COL4A3: variants seen among roughly 807,000 people sequenced by gnomAD.
The protein encoded by COL4A3 is collagen alpha-3(IV) chain.
A neutral mutation model predicts 217.4 loss-of-function variants in COL4A3; 135 were observed. That is an observed-to-expected ratio of 0.62 (90% confidence interval 0.54 to 0.72). COL4A3 has a LOEUF of 0.72. COL4A3 is among the 30% of genes least tolerant of loss of function. COL4A3 has a pLI of 0.00. For missense variants in COL4A3, 1,868 were observed against 2,119.9 expected, an observed-to-expected ratio of 0.88 and a Z score of 2.33; for synonymous variants, 690 against 736.3, an observed-to-expected ratio of 0.94 and a Z score of 1.02.
At position 227,276,488 on chromosome 2, in the gene COL4A3, T is replaced by C; in HGVS notation, c.2020+11T>C. The C allele has an allele frequency of 6.3e-7, 1 of 1,589,402 alleles. No individual in the cohort carries two copies. Among genetic ancestry groups the C allele is most frequent in the Non-Finnish European group, 8.6e-7 (1 of 1,157,470 alleles). On this transcript the variant is annotated intron_variant, in intron 27 of 51. Coordinates refer to ENST00000396578, the MANE Select transcript of COL4A3 (RefSeq NM_000091.5). The stretch of plus-strand genomic sequence containing the variant: ...CCCAAGGTCCACCTGGTAAGTATCC[T>C]CTGCCAAATCTGGTACATGGCATCA...
At chr2:227,205,037 T>C (rs1002548222) in intron 1 of COL4A3, among the ~76,000 whole-genome samples, 1 of 152,236 alleles carries the variant, frequency 6.6e-6, no homozygotes, top group East Asian at 1.9e-4. Context: ...AACATTTGAT[T>C]ATATTGCAAA....
At chr2:227,256,755 A>T (rs1443061339) in intron 17 of COL4A3, among the ~76,000 whole-genome samples, 1 of 152,262 alleles carries the variant, frequency 6.6e-6, no homozygotes, top group Non-Finnish European at 1.5e-5. Flanking sequence ...GAGTCATGAT[A>T]CATTGAAAGG....
chr2:227,216,438 C>T lies in COL4A3; in HGVS notation c.88-21530C>T, dbSNP rs530788910. On this transcript the variant is annotated intron_variant, in intron 1 of 51. Coordinates refer to ENST00000396578, the MANE Select transcript of COL4A3 (RefSeq NM_000091.5). Reference sequence around the variant, plus strand: ...GAGGCCCTCAGACCTTACCGCATCTCTTTATTCTGAATTTATAAGTAATTC... The same window carrying T: ...GAGGCCCTCAGACCTTACCGCATCTTTTTATTCTGAATTTATAAGTAATTC... Among the ~76,000 whole-genome samples, 68 of 152,280 alleles carry T rather than the reference C, an allele frequency of 4.5e-4. 1 individual carries two copies. Among genetic ancestry groups the T allele is most frequent in the African/African-American group, 1.5e-3 (64 of 41,562 alleles).
intron 21 of COL4A3, chr2:227,266,016 G>C: frequency 1.3e-5 from 3 of 222,378 alleles, no homozygotes; most frequent in Non-Finnish European, 2.7e-5. Context: ...ACAGCATGAG[G>C]GTAACTGCCC....
At chr2:227,242,157 C>T (rs1361167887) in intron 3 of COL4A3, among the ~76,000 whole-genome samples, 2 of 152,166 alleles carry the variant, frequency 1.3e-5, no homozygotes, top group Admixed American at 1.3e-4. Context: ...AGTAGTGGGT[C>T]CTCAGTTACC....
chr2:227,180,692 C>G (rs1439215011), intron 1 of COL4A3, among the ~76,000 whole-genome samples: 9 of 152,176 alleles, frequency 5.9e-5, no homozygotes, highest in Admixed American at 5.2e-4. Context: ...AGATGTGGCA[C>G]ATAAAATCTT....
intron 1 of COL4A3, among the ~76,000 whole-genome samples, chr2:227,235,664 C>T (rs999572264): frequency 8.6e-5 from 13 of 152,012 alleles, no homozygotes; most frequent in Non-Finnish European, 1.8e-4. Flanking sequence ...TTAGTTCCCA[C>T]TGCTAAGTGA....
Position 227,298,048 on chromosome 2 carries a change from T to C in COL4A3, c.3751+189T>C, listed in dbSNP as rs76397831. Among the ~76,000 whole-genome samples the C allele has an allele frequency of 1.2e-3, 190 of 152,232 alleles. 1 individual carries two copies. Among genetic ancestry groups the C allele is most frequent in the African/African-American group, 4.4e-3 (183 of 41,552 alleles). ...GTAGCCTGTTTGAGGGATGCATAGTTAATAAATTAACGAGCCTGGCTGGAC... is the reference window on the plus strand; with the variant it reads ...GTAGCCTGTTTGAGGGATGCATAGTCAATAAATTAACGAGCCTGGCTGGAC... On this transcript the variant is annotated intron_variant, in intron 42 of 51. Coordinates refer to ENST00000396578, the MANE Select transcript of COL4A3 (RefSeq NM_000091.5).
At chr2:227,311,746 G>T (rs1257682884) in intron 51 of COL4A3, 40 bp from the exon 52 acceptor site, 1 of 1,588,588 alleles carries the variant, frequency 6.3e-7, no homozygotes, top group Non-Finnish European at 8.6e-7. Context: ...TCCCTTTTAT[G>T]CATAAATAAA....
At chr2:227,208,081 T>C (rs1472058446) in intron 1 of COL4A3, among the ~76,000 whole-genome samples, 1 of 125,640 alleles carries the variant, frequency 8.0e-6, no homozygotes, top group African/African-American at 3.2e-5. Context: ...GACAGTGAAA[T>C]AAATCTAACT....
intron 22 of COL4A3, 34 bp from the exon 23 acceptor site, chr2:227,266,959 C>A: frequency 1.4e-6 from 2 of 1,448,960 alleles, no homozygotes; most frequent in Non-Finnish European, 1.9e-6. Flanking sequence ...CTCAATGTAG[C>A]TTTTTAAGTA....
rs16823310 is a variant in COL4A3 at position 227,185,417 on chromosome 2, A to G, written c.87+20604A>G. On this transcript the variant is annotated intron_variant, in intron 1 of 51. Coordinates refer to ENST00000396578, the MANE Select transcript of COL4A3 (RefSeq NM_000091.5). The stretch of plus-strand genomic sequence containing the variant: ...TGCCAAGATCAGATAAAATCTCTAT[A>G]TGGACCAGTTACCTTTTAGCTGTAT... Among the ~76,000 whole-genome samples, 986 of 152,292 alleles carry G rather than the reference A, an allele frequency of 6.5e-3. 40 individuals carry two copies. The East Asian group carries it at 0.11, about 17-fold the overall frequency.
In COL4A3 at chr2:227,164,908, TGGAGCGGCTGCCG is replaced by T; in HGVS notation, c.87+98_87+110del. The stretch of plus-strand genomic sequence containing the variant: ...GGCCCCACCCGCAGCGGCGCGGTAG[TGGAGCGGCTGCCG>T]GGCTAGTGGCGAGGCTGAGGGCTTC... On this transcript the variant is annotated intron_variant, in intron 1 of 51. Coordinates refer to ENST00000396578, the MANE Select transcript of COL4A3 (RefSeq NM_000091.5). The surrounding 1 kb of genome is among the most constrained non-coding windows in gnomAD (Gnocchi z 4.8). 1 of 1,346,908 alleles carries T rather than the reference TGGAGCGGCTGCCG, an allele frequency of 7.4e-7. No homozygotes were observed. Among genetic ancestry groups the T allele is most frequent in the Non-Finnish European group, 9.6e-7 (1 of 1,040,226 alleles). 83.4% of individuals were successfully genotyped at this position (1,346,908 alleles called of 1,614,324 possible).
At chr2:227,199,815 T>A (rs542441680) in intron 1 of COL4A3, among the ~76,000 whole-genome samples, 19 of 150,830 alleles carry the variant, frequency 1.3e-4, no homozygotes, top group African/African-American at 4.6e-4. Context: ...ATAGTTCTTG[T>A]GCATATAAAA....
At position 227,284,220 on chromosome 2, in the gene COL4A3, G is replaced by T. The variant is rs1445819062; in HGVS notation, c.2756G>T (p.Gly919Val). ...TACTCCTGTCTGTTAGGGAGCCCTGGAATTCCAGGAGTAAAGGGCCAGAGA... is the reference window on the plus strand; with the variant it reads ...TACTCCTGTCTGTTAGGGAGCCCTGTAATTCCAGGAGTAAAGGGCCAGAGA... ...PGTPGQRGSP[G>V]IPGVKGQRGT... Residue 919 changes from glycine (G) to valine (V), a missense_variant, in exon 34 of 52, where the codon GGA becomes GTA. This residue lies in a region of COL4A3 where 1,503 missense variants were observed against 1,786.1 expected (regional missense o/e 0.84). Transcript: ENST00000396578. 6.2e-7 allele frequency: 1 copy of T among 1,614,088 alleles called. No homozygotes were observed. Among genetic ancestry groups the T allele is most frequent in the Admixed American group, 1.7e-5 (1 of 60,010 alleles).
At position 227,256,039 on chromosome 2, in the gene COL4A3, A is replaced by G; in HGVS notation, c.902A>G (p.Lys301Arg). The G allele has an allele frequency of 6.2e-7, 1 of 1,613,990 alleles. No individual in the cohort carries two copies. ...GDPGLQGKPGKDGVPGFPGSE... is the reference protein window; with the variant it reads ...GDPGLQGKPGRDGVPGFPGSE... ...TTTTTGCTGTAGGGAAAACCCGGAA[A>G]AGATGGTGTTCCTGGCTTCCCTGGA... The change falls in exon 16 of 52, where the codon AAA (lysine) becomes AGA (arginine). Residue 301 changes from lysine (K) to arginine (R), a missense_variant. Coordinates refer to ENST00000396578, the MANE Select transcript of COL4A3 (RefSeq NM_000091.5).
At chr2:227,254,903 C>A (rs971422111) in intron 15 of COL4A3, among the ~76,000 whole-genome samples, 188 bp downstream of exon 15, 2 of 152,146 alleles carry the variant, frequency 1.3e-5, no homozygotes, top group Non-Finnish European at 2.9e-5. Flanking sequence ...GGTTCAAGGA[C>A]TTCAGAGCCT....
At chr2:227,283,177 T>C (rs2072090366) in intron 32 of COL4A3, among the ~76,000 whole-genome samples, 2 of 152,240 alleles carry the variant, frequency 1.3e-5, no homozygotes, top group Admixed American at 1.3e-4. Flanking sequence ...TATAATTGTT[T>C]TAATTTCATG....
At chr2:227,208,805 C>T (rs1430924500) in intron 1 of COL4A3, among the ~76,000 whole-genome samples, 8 of 106,322 alleles carry the variant, frequency 7.5e-5, no homozygotes, top group African/African-American at 2.6e-4. Flanking sequence ...CACACACACA[C>T]ATATATACAG....
Sources: gnomAD v4.1 joint callset for allele counts (sites outside exome capture counted in the v4.1 genomes callset) on GRCh38, gnomAD v4.1.1 for gene constraint, gnomAD v4.1.1 regional missense constraint, Gnocchi (gnomAD v3.1) non-coding constraint, MANE v1.5 for transcripts, NCBI Gene and HGNC (gene_info 2026-07-23, HGNC 2026-07-21) for gene names.